The following ELMO2 variants were observed in gnomAD, a reference collection of about 807,000 sequenced individuals.
ELMO2 encodes the protein engulfment and cell motility protein 2.
A neutral mutation model predicts 96.2 loss-of-function variants in ELMO2; 37 were observed. The observed-to-expected ratio is 0.38, with a 90% confidence interval of 0.30 to 0.51. ELMO2 has a LOEUF of 0.51. ELMO2 is among the 20% of genes least tolerant of loss of function. The pLI, the probability that ELMO2 is intolerant of heterozygous loss-of-function variation, is 0.88. For synonymous variants in ELMO2, 315 were observed against 329.4 expected (o/e 0.96, Z 0.47); for missense variants, 561 against 912.6 (o/e 0.61, Z 4.96).
intron 6 of ELMO2, among the ~76,000 whole-genome samples, chr20:46,391,836 C>T (rs776403754): frequency 8.5e-5 from 13 of 152,234 alleles, no homozygotes; most frequent in Non-Finnish European, 1.8e-4. Flanking sequence ...CCTTTTGCTA[C>T]ATCTCTGTGA....
chr20:46,383,560 A>G, intron 9 of ELMO2, 66 bp from the exon 10 acceptor site: 4 of 1,422,208 alleles, frequency 2.8e-6, no homozygotes, highest in Middle Eastern at 2.0e-4. Context: ...ATGCTTAGAA[A>G]TGGTTTAAAA....
intron 8 of ELMO2, among the ~76,000 whole-genome samples, chr20:46,386,992 T>TTA (rs2060056633): frequency 6.6e-6 from 1 of 152,140 alleles, no homozygotes; most frequent in South Asian, 2.1e-4. Flanking sequence ...CAAATTTTTT[T>TTA]TATATATATA....
At chr20:46,373,367 C>A in intron 16 of ELMO2, 32 bp downstream of exon 16, 1 of 1,612,862 alleles carries the variant, frequency 6.2e-7, no homozygotes, top group South Asian at 1.1e-5. Context: ...GGTCTCCTCC[C>A]GTGGGCCTCA....
intron 1 of ELMO2, 100 bp downstream of exon 1, chr20:46,406,448 A>G (rs1438090662): frequency 6.6e-6 from 1 of 152,426 alleles, no homozygotes; most frequent in Non-Finnish European, 1.5e-5. Flanking sequence ...AGCAGACGCT[A>G]GCCGCAACGC....
chr20:46,372,430 AGACCAGCCTGG>A (rs1272899865), intron 16 of ELMO2, among the ~76,000 whole-genome samples: 1 of 152,340 alleles, frequency 6.6e-6, no homozygotes, highest in East Asian at 1.9e-4. Context: ...CAGGAGTTTG[AGACCAGCCTGG>A]CCAACATGGT....
intron 11 of ELMO2, 26 bp downstream of exon 11, chr20:46,380,227 A>G (rs1249560789): frequency 6.3e-7 from 1 of 1,588,982 alleles, no homozygotes; most frequent in Non-Finnish European, 8.6e-7. Flanking sequence ...AATAGTAATA[A>G]AATACAGCAT....
At chr20:46,372,028 A>C (rs185032247) in intron 16 of ELMO2, 59 bp from the exon 17 acceptor site, 18 of 1,602,342 alleles carry the variant, frequency 1.1e-5, no homozygotes, top group Admixed American at 6.7e-5. Context: ...GGACAGGCCT[A>C]TTATGGAGCA....
rs746158395 is a variant in ELMO2, at chr20:46,373,398, C to T, written c.1416+1G>A. On this transcript the variant is annotated splice_donor_variant, in intron 16 of 21. Transcript: ENST00000290246. LOFTEE classifies it high-confidence loss of function. ...CCTCAGAGCAGCCCGGAGACACTGACCTTGTTGAAGTCCTCTGCTGTTGCC... is the reference window on the plus strand; with the variant it reads ...CCTCAGAGCAGCCCGGAGACACTGATCTTGTTGAAGTCCTCTGCTGTTGCC... 1 of 1,614,034 alleles carries T rather than the reference C, an allele frequency of 6.2e-7. No homozygotes were observed. The highest frequency in any genetic ancestry group is 8.5e-7 in the Non-Finnish European group (1 of 1,180,020).
At chr20:46,381,241 T>C (rs2059949731) in intron 10 of ELMO2, among the ~76,000 whole-genome samples, 1 of 152,220 alleles carries the variant, frequency 6.6e-6, no homozygotes, top group African/African-American at 2.4e-5. Context: ...CTGACAGCTT[T>C]TCATAATTCT....
chr20:46,383,331 G>T, intron 10 of ELMO2, 85 bp downstream of exon 10: 2 of 1,358,178 alleles, frequency 1.5e-6, no homozygotes, highest in South Asian at 1.2e-5. Flanking sequence ...TGCTGGATTT[G>T]TGCTCTCTGC....
At chr20:46,380,697 G>C (rs1435929478) in intron 10 of ELMO2, among the ~76,000 whole-genome samples, 1 of 148,316 alleles carries the variant, frequency 6.7e-6, no homozygotes, top group Non-Finnish European at 1.5e-5. Flanking sequence ...AGGCTAGAAG[G>C]AACTCTAGTG....
intron 4 of ELMO2, 60 bp from the exon 5 acceptor site, chr20:46,393,661 T>G (rs1371783526): frequency 6.4e-7 from 1 of 1,568,770 alleles, no homozygotes; most frequent in East Asian, 2.2e-5. Context: ...AAGCTGCTCA[T>G]AAGTAATTTT....
Position 46,394,496 on chromosome 20 carries a change from C to G in ELMO2, c.-14G>C, listed in dbSNP as rs753480042. 1 of 1,614,000 alleles carries G rather than the reference C, an allele frequency of 6.2e-7. No individual in the cohort carries two copies. Among genetic ancestry groups the G allele is most frequent in the African/African-American group, 1.3e-5 (1 of 74,924 alleles). ...CGGTGGTGGCATCGTTCCCAATGGG[C>G]TCTAATTCTGCGAGACAAAAACACA... On this transcript the variant is annotated 5_prime_UTR_variant, in exon 3 of 22. Transcript: ENST00000290246.
At chr20:46,382,661 G>A (rs1162757524) in intron 10 of ELMO2, among the ~76,000 whole-genome samples, 1 of 152,100 alleles carries the variant, frequency 6.6e-6, no homozygotes, top group Admixed American at 6.5e-5. Flanking sequence ...CAGGCCCCTC[G>A]GCTCTTAGGT....
intron 5 of ELMO2, 87 bp from the exon 6 acceptor site, chr20:46,393,230 C>CT (rs1334326234): frequency 7.4e-7 from 1 of 1,360,312 alleles, no homozygotes; most frequent in Non-Finnish European, 1.0e-6. Context: ...AATGTTTTGT[C>CT]TTTTTTACAG....
intron 2 of ELMO2, among the ~76,000 whole-genome samples, chr20:46,396,300 C>T (rs1432457239): frequency 6.6e-6 from 1 of 152,144 alleles, no homozygotes; most frequent in Admixed American, 6.5e-5. Flanking sequence ...TTATCCTTAT[C>T]GGCAAAGCTG....
chr20:46,387,633 A>C (rs1385760018), intron 7 of ELMO2, 196 bp from the exon 8 acceptor site: 2 of 36,914 alleles, frequency 5.4e-5, no homozygotes, highest in African/African-American at 4.2e-4. Flanking sequence ...CTATCGCTGC[A>C]AAAAAAAAAA....
rs564596697 is a variant in ELMO2 at position 46,375,671 on chromosome 20, G to A, written c.927C>T (p.Asp309=). Reference sequence around the variant, plus strand: ...AGCTGCCCCACTTAGCACCTACCTGGTCATTGGGGTCCATCTTGGTCATCA... The same window carrying A: ...AGCTGCCCCACTTAGCACCTACCTGATCATTGGGGTCCATCTTGGTCATCA... The part of the protein sequence containing the change: ...ERMMTKMDPN[D]QAQRDIIFEL... Residue 309 remains aspartate, a synonymous_variant, in exon 12 of 22, where the codon GAC becomes GAT. Transcript: ENST00000290246. This position sits in a 1 kb window ranked among gnomAD's most constrained non-coding sequence, Gnocchi z 4.6. 23 of 1,614,064 alleles carry A rather than the reference G, an allele frequency of 1.4e-5. No homozygotes were observed. The Admixed American group carries it at 2.8e-4, about 20-fold the overall frequency.
intron 6 of ELMO2, among the ~76,000 whole-genome samples, chr20:46,392,371 C>T (rs2060165398): frequency 6.6e-6 from 1 of 152,202 alleles, no homozygotes; most frequent in Non-Finnish European, 1.5e-5. Flanking sequence ...TCATATCCAT[C>T]CTTTCATCTC....
Sources: gnomAD v4.1 joint callset for allele counts (sites outside exome capture counted in the v4.1 genomes callset) on GRCh38, gnomAD v4.1.1 for gene constraint, Gnocchi (gnomAD v3.1) non-coding constraint, MANE v1.5 for transcripts, NCBI Gene and HGNC (gene_info 2026-07-23, HGNC 2026-07-21) for gene names.